MAP3K15: variants seen among roughly 807,000 people sequenced by gnomAD.
MAP3K15 encodes the protein MAPK/ERK kinase kinase 15.
Under a neutral mutation model 99.5 loss-of-function variants are expected in MAP3K15, and 124 were observed. That is an observed-to-expected ratio of 1.25 (90% CI 1.08 to 1.45). The LOEUF is 1.45. Among genes scored for constraint, MAP3K15 ranks in the 40% most tolerant of loss-of-function variants. MAP3K15 has a pLI of 0.00. For synonymous variants in MAP3K15, 494 were observed against 439.6 expected (o/e 1.12, Z -1.55); for missense variants, 1,242 against 1,079.7 (o/e 1.15, Z -2.11).
intron 16 of MAP3K15, among the ~76,000 whole-genome samples, chrX:19,393,731 A>G (rs906091083): frequency 2.9e-5 from 3 of 103,605 alleles, no homozygotes; most frequent in African/African-American, 1.1e-4. Flanking sequence ...TTCTAACATA[A>G]CCCTGAAAAT....
At chrX:19,385,132 G>A (rs1159245052) in intron 18 of MAP3K15, among the ~76,000 whole-genome samples, 1 of 111,681 alleles carries the variant, frequency 9.0e-6, no homozygotes, top group Non-Finnish European at 1.9e-5. Flanking sequence ...GTTTCTAAGG[G>A]TTGAAATCCA....
At chrX:19,362,384 C>T (rs1422024197) in intron 26 of MAP3K15, among the ~76,000 whole-genome samples, 1 of 109,227 alleles carries the variant, frequency 9.2e-6, no homozygotes, top group Non-Finnish European at 1.9e-5. Context: ...GGCATGCATC[C>T]ACCAAGCCCA....
At chrX:19,387,909 G>C (rs1204428243) in intron 18 of MAP3K15, among the ~76,000 whole-genome samples, 1 of 112,472 alleles carries the variant, frequency 8.9e-6, no homozygotes, top group Non-Finnish European at 1.9e-5. Context: ...CGACACAGGA[G>C]TTACATCCAG....
rs1208154799 is a variant in MAP3K15, at chrX:19,360,306, ATGTTTGTTAAATACCCCT to A, written c.*425_*442del. ...GTTCTGAGGCAGTGTCCCAGCTTCC[ATGTTTGTTAAATACCCCT>A]TGTTTGTTTCACCATTCCAGCAAGT... On this transcript the variant is annotated 3_prime_UTR_variant, in exon 29 of 29. Transcript: ENST00000338883. The A allele has an allele frequency of 1.4e-5, 2 of 141,733 alleles. No homozygotes were observed. The highest frequency in any genetic ancestry group is 3.2e-5 in the African/African-American group (1 of 31,187). The allele number at this position is 141,733 out of a possible 1,213,427, so 11.7% of individuals were successfully genotyped here. A position where few individuals can be genotyped will look rare whatever the true frequency, so the allele number is the denominator to read the frequency against.
intron 21 of MAP3K15, 48 bp from the exon 22 acceptor site, chrX:19,372,875 C>T (rs1311740791): frequency 1.7e-6 from 2 of 1,148,837 alleles, no homozygotes; most frequent in East Asian, 3.0e-5. Flanking sequence ...GGGGCACTGT[C>T]CCTGGGAGTG....
rs778724463 is a variant in MAP3K15, at chrX:19,457,505, G to A, written c.889-486C>T. On this transcript the variant is annotated intron_variant, in intron 5 of 28. Transcript: ENST00000338883. ...CGGGCGCCTGGAATCCCAGCTACTC[G>A]AGAGGCTGAGGCAGGAGAATTGATT... 1.2e-4 allele frequency among the ~76,000 whole-genome samples: 13 copies of A among 111,664 alleles called. No homozygotes were observed. The South Asian group carries it at 4.6e-3, about 39-fold the overall frequency.
intron 25 of MAP3K15, among the ~76,000 whole-genome samples, chrX:19,367,723 A>ATTATTTTTTTTT (rs2063344628): frequency 4.1e-5 from 1 of 24,109 alleles, no homozygotes; most frequent in African/African-American, 1.3e-4. Context: ...ATAACTATGG[A>ATTATTTTTTTTT]TTTTTTTTTT....
chrX:19,403,572 C>T (rs2063625036), intron 13 of MAP3K15, among the ~76,000 whole-genome samples: 1 of 107,053 alleles, frequency 9.3e-6, no homozygotes, highest in Admixed American at 1.0e-4. Flanking sequence ...GATCCTCCCA[C>T]TTCTGCCTCC....
intron 12 of MAP3K15, 35 bp from the exon 13 acceptor site, chrX:19,407,318 G>A (rs1429541638): frequency 1.2e-6 from 1 of 810,701 alleles, no homozygotes; most frequent in African/African-American, 2.1e-5. Context: ...TTATACATAA[G>A]TTATGATACC....
chrX:19,445,368 A>C (rs1407001541), intron 6 of MAP3K15, among the ~76,000 whole-genome samples: 2 of 109,521 alleles, frequency 1.8e-5, no homozygotes, highest in Non-Finnish European at 3.8e-5. Flanking sequence ...AGGTGGGTGG[A>C]TCACTTGAAG....
At chrX:19,509,261 C>G (rs953126520) in intron 1 of MAP3K15, among the ~76,000 whole-genome samples, 2 of 111,870 alleles carry the variant, frequency 1.8e-5, no homozygotes, top group African/African-American at 6.5e-5. Flanking sequence ...TAGATATCTA[C>G]AGAACTCTCC....
In MAP3K15 at chrX:19,398,308, T is replaced by G. The variant is rs150554416; in HGVS notation, c.1984A>C (p.Thr662Pro). 6 of 1,209,112 alleles carry G rather than the reference T, an allele frequency of 5.0e-6. No individual in the cohort carries two copies. In the African/African-American group the frequency reaches 8.8e-5, roughly 18 times the overall value. The change falls in exon 15 of 29, where the codon ACG becomes CCG. Residue 662 changes from threonine (T) to proline (P), a missense_variant. By Grantham distance (38) the Thr-to-Pro change is conservative. Transcript: ENST00000338883. ...CGGCCAGCATACACAATCCCATACG[T>G]GCCTTTCCCCAAGACAACTCTCTCA... ...NGERVVLGKG[T>P]YGIVYAGRDL...
chrX:19,490,375 A>G (rs751101400), intron 1 of MAP3K15, among the ~76,000 whole-genome samples: 6 of 111,108 alleles, frequency 5.4e-5, no homozygotes, highest in Non-Finnish European at 1.1e-4. Context: ...ATTTTTATTC[A>G]TTTCCTATTT....
At chrX:19,363,010 C>G (rs2063305101) in intron 25 of MAP3K15, among the ~76,000 whole-genome samples, 160 bp from the exon 26 acceptor site, 1 of 112,119 alleles carries the variant, frequency 8.9e-6, no homozygotes, top group Admixed American at 9.5e-5. Flanking sequence ...TGTGTTTCTT[C>G]AGGTTCTGTG....
chrX:19,391,506 C>T (rs982561679), intron 18 of MAP3K15, among the ~76,000 whole-genome samples: 2 of 107,211 alleles, frequency 1.9e-5, no homozygotes, highest in African/African-American at 6.8e-5. Context: ...GGTGAAACCT[C>T]GTCTCTACTG....
chrX:19,378,454 G>C (rs1248810347), intron 19 of MAP3K15, among the ~76,000 whole-genome samples: 2 of 112,148 alleles, frequency 1.8e-5, no homozygotes, highest in Non-Finnish European at 3.8e-5. Flanking sequence ...CATGGCAGAA[G>C]GCACCTCTTC....
rs767503880 is a variant in MAP3K15, at chrX:19,460,210, C to A, written c.720-57G>T. The A allele has an allele frequency of 5.5e-3, 4,881 of 882,522 alleles. 173 individuals are homozygous for A. In the African/African-American group the frequency reaches 0.093, roughly 17 times the overall value. The allele number at this position is 882,522 out of a possible 1,213,427, so 72.7% of individuals were successfully genotyped here. A position where few individuals can be genotyped will look rare whatever the true frequency, so the allele number is the denominator to read the frequency against. On this transcript the variant is annotated intron_variant, in intron 4 of 28. Coordinates refer to ENST00000338883, the MANE Select transcript of MAP3K15 (RefSeq NM_001001671.4). ...CACATCTGCACGCACCCAGGACTGT[C>A]TTGCGCCCAAAATGGTTCTCATTGA...
chrX:19,369,431 G>A (rs762680610), intron 24 of MAP3K15, among the ~76,000 whole-genome samples: 1 of 111,869 alleles, frequency 8.9e-6, no homozygotes. Flanking sequence ...TCCACAGGAA[G>A]AAATTGAGGC....
chrX:19,443,415 C>T (rs2063974196), intron 6 of MAP3K15, among the ~76,000 whole-genome samples: 1 of 111,783 alleles, frequency 8.9e-6, no homozygotes, highest in Non-Finnish European at 1.9e-5. Context: ...GCCTAGTATA[C>T]ACCATGGCCC....
Sources: allele counts gnomAD v4.1 joint callset (sites outside exome capture counted in the v4.1 genomes callset), GRCh38; gene constraint gnomAD v4.1.1; transcripts MANE v1.5; gene names NCBI Gene and HGNC (gene_info 2026-07-23, HGNC 2026-07-21).